The following EPAS1 variants were observed in gnomAD, a reference collection of about 807,000 sequenced individuals.
EPAS1 encodes the protein endothelial PAS domain protein 1.
In EPAS1, 23 loss-of-function variants were observed where a neutral mutation model predicts 87.9. The ratio of observed to expected loss-of-function variants is 0.26; its 90% CI spans 0.19 to 0.37. The LOEUF (loss-of-function observed/expected upper bound fraction) is 0.37, where lower values mean the gene tolerates loss of function less well. EPAS1 is among the 10% of genes least tolerant of loss of function. EPAS1 has a pLI of 1.00. For missense variants in EPAS1, 1,138 were observed against 1,120.7 expected (o/e 1.02, Z -0.22); for synonymous variants, 508 against 444.3 (o/e 1.14, Z -1.80).
Position 46,309,523 on chromosome 2 carries a change from A to T in EPAS1, c.26+11586A>T, listed in dbSNP as rs576228236. ...GGGTAAATAGATCTTGTGTGTTGGG[A>T]ATAGTTAGGGAAGTGATTAGTGGAG... On this transcript the variant is annotated intron_variant, in intron 1 of 15. Coordinates refer to ENST00000263734, the MANE Select transcript of EPAS1 (RefSeq NM_001430.5). 3.3e-5 allele frequency among the ~76,000 whole-genome samples: 5 copies of T among 152,280 alleles called. No individual in the cohort carries two copies. In the East Asian group the frequency reaches 9.6e-4, roughly 29 times the overall value.
intron 1 of EPAS1, among the ~76,000 whole-genome samples, chr2:46,317,769 A>G (rs1027704524): frequency 2.6e-5 from 4 of 152,224 alleles, no homozygotes; most frequent in Non-Finnish European, 5.9e-5. Flanking sequence ...ACCTTCATCA[A>G]TGATCTTAGC....
At chr2:46,307,214 G>A (rs192823187) in intron 1 of EPAS1, among the ~76,000 whole-genome samples, 1 of 152,310 alleles carries the variant, frequency 6.6e-6, no homozygotes, top group East Asian at 1.9e-4. Flanking sequence ...AGCTAATTTT[G>A]GTGCCTTGGT....
chr2:46,370,468 G>A (rs1684605966), intron 7 of EPAS1, among the ~76,000 whole-genome samples: 2 of 152,162 alleles, frequency 1.3e-5, no homozygotes, highest in South Asian at 2.1e-4. Flanking sequence ...CATATGTTGA[G>A]GTAGGCCACA....
intron 2 of EPAS1, among the ~76,000 whole-genome samples, chr2:46,353,049 C>T (rs1256650303): frequency 1.3e-5 from 2 of 151,942 alleles, no homozygotes; most frequent in African/African-American, 2.4e-5. Flanking sequence ...ATTTTGAAGT[C>T]AGCGTTACCA....
chr2:46,370,398 T>C (rs559960356), intron 7 of EPAS1, among the ~76,000 whole-genome samples: 1 of 152,204 alleles, frequency 6.6e-6, no homozygotes, highest in African/African-American at 2.4e-5. Context: ...AGTTGGACCT[T>C]GAAGGATCGG....
chr2:46,336,431 G>A (rs570348797), intron 1 of EPAS1, among the ~76,000 whole-genome samples: 2 of 152,254 alleles, frequency 1.3e-5, no homozygotes, highest in Admixed American at 1.3e-4. Context: ...AGGGGCCAGG[G>A]ACACTGCTGG....
chr2:46,313,539 C>T (rs901201045), intron 1 of EPAS1, among the ~76,000 whole-genome samples: 7 of 152,172 alleles, frequency 4.6e-5, no homozygotes, highest in Non-Finnish European at 4.4e-5. Flanking sequence ...GCAACCTCTA[C>T]CTCCCAGGTT....
Position 46,384,745 on chromosome 2 carries a change from TCTA to T in EPAS1, c.*86_*88del, listed in dbSNP as rs1274041687. On this transcript the variant is annotated 3_prime_UTR_variant, in exon 16 of 16. Coordinates refer to ENST00000263734, the MANE Select transcript of EPAS1 (RefSeq NM_001430.5). ...CCGTCTGTTTTTGCAACTAGGTATTTCTAACGCCAGCACACTATTTACAAGATG... is the reference window on the plus strand; with the variant it reads ...CCGTCTGTTTTTGCAACTAGGTATTTACGCCAGCACACTATTTACAAGATG... The T allele has an allele frequency of 1.3e-6, 2 of 1,530,958 alleles. No homozygotes were observed. Among genetic ancestry groups the T allele is most frequent in the Non-Finnish European group, 1.8e-6 (2 of 1,133,318 alleles). The allele number at this position is 1,530,958 out of a possible 1,614,324, so 94.8% of individuals were successfully genotyped here.
intron 1 of EPAS1, among the ~76,000 whole-genome samples, chr2:46,301,097 A>T (rs1682986839): frequency 6.6e-6 from 1 of 152,216 alleles, no homozygotes; most frequent in Non-Finnish European, 1.5e-5. Context: ...TAATTCATAC[A>T]GTTTTCATGA....
chr2:46,321,651 T>A (rs892292310), intron 1 of EPAS1, among the ~76,000 whole-genome samples: 1 of 152,150 alleles, frequency 6.6e-6, no homozygotes, highest in Non-Finnish European at 1.5e-5. Flanking sequence ...CAGTGATTTG[T>A]CTTTATAAAC....
rs1007726437 is a variant in EPAS1 at position 46,346,421 on chromosome 2, T to C, written c.27-452T>C. 6.6e-6 allele frequency among the ~76,000 whole-genome samples: 1 copy of C among 152,244 alleles called. No individual in the cohort carries two copies. Among genetic ancestry groups the C allele is most frequent in the African/African-American group, 2.4e-5 (1 of 41,466 alleles). Reference sequence around the variant, plus strand: ...CTTAATTTTTTCTGATTGTGTCTTATGCAGAAAAAGAACCTTAAAGCAGTT... The same window carrying C: ...CTTAATTTTTTCTGATTGTGTCTTACGCAGAAAAAGAACCTTAAAGCAGTT... On this transcript the variant is annotated intron_variant, in intron 1 of 15. Transcript: ENST00000263734. The surrounding 1 kb of genome is among the most constrained non-coding windows in gnomAD (Gnocchi z 4.0).
chr2:46,297,713 C>T lies in EPAS1; in HGVS notation c.-199C>T, dbSNP rs1572608108. On this transcript the variant is annotated 5_prime_UTR_variant, in exon 1 of 16. Transcript: ENST00000263734. ...TCCGCGCGCAGGTTCCTCCCAGTCACCTTTCTCCACCCCCGCCCCCGCACC... is the reference window on the plus strand; with the variant it reads ...TCCGCGCGCAGGTTCCTCCCAGTCATCTTTCTCCACCCCCGCCCCCGCACC... 4.8e-6 allele frequency: 3 copies of T among 620,560 alleles called. No individual in the cohort carries two copies. The Admixed American group carries it at 9.0e-5, about 19-fold the overall frequency. The allele number at this position is 620,560 out of a possible 1,614,324, so 38.4% of individuals were successfully genotyped here.
intron 1 of EPAS1, among the ~76,000 whole-genome samples, chr2:46,337,168 A>G (rs1295377050): frequency 6.6e-6 from 1 of 152,200 alleles, no homozygotes; most frequent in African/African-American, 2.4e-5. Flanking sequence ...GAGGACACCA[A>G]AAGAACAGGT....
intron 1 of EPAS1, among the ~76,000 whole-genome samples, chr2:46,322,141 C>T (rs1458095527): frequency 6.6e-6 from 1 of 152,186 alleles, no homozygotes; most frequent in African/African-American, 2.4e-5. Context: ...GGAAATCTCC[C>T]AGACATCTTG....
At chr2:46,381,534 G>A (rs1684890844) in intron 12 of EPAS1, 62 bp from the exon 13 acceptor site, 1 of 1,612,930 alleles carries the variant, frequency 6.2e-7, no homozygotes, top group South Asian at 1.1e-5. Context: ...CCTAAGATGA[G>A]AAGGCACTGA....
rs980002128 is a variant in EPAS1, at chr2:46,379,954, G to C, written c.1555-273G>C. Reference sequence around the variant, plus strand: ...GGCTTCAAGAGAGAAGGCGGGCTCCGGACAGGTGGGATGGGGAGAGGAGAA... The same window carrying C: ...GGCTTCAAGAGAGAAGGCGGGCTCCCGACAGGTGGGATGGGGAGAGGAGAA... On this transcript the variant is annotated intron_variant, in intron 11 of 15. Transcript: ENST00000263734. 6 of 544,708 alleles carry C rather than the reference G, an allele frequency of 1.1e-5. No individual in the cohort carries two copies. The Admixed American group carries it at 1.2e-4, about 11-fold the overall frequency. The allele number at this position is 544,708 out of a possible 1,614,324, so 33.7% of individuals were successfully genotyped here. A position where few individuals can be genotyped will look rare whatever the true frequency, so the allele number is the denominator to read the frequency against.
chr2:46,316,901 T>C (rs1683353370), intron 1 of EPAS1, among the ~76,000 whole-genome samples: 1 of 152,232 alleles, frequency 6.6e-6, no homozygotes, highest in Non-Finnish European at 1.5e-5. Flanking sequence ...TCAACTTAGT[T>C]GATGTAATAT....
chr2:46,317,677 C>T (rs953370793), intron 1 of EPAS1, among the ~76,000 whole-genome samples: 1 of 152,220 alleles, frequency 6.6e-6, no homozygotes, highest in Non-Finnish European at 1.5e-5. Flanking sequence ...GACTTCTCCC[C>T]TCTTGCAGTG....
intron 1 of EPAS1, among the ~76,000 whole-genome samples, chr2:46,332,348 T>TCTTTGG (rs1417300630): frequency 6.6e-6 from 1 of 150,928 alleles, no homozygotes; most frequent in East Asian, 2.0e-4. Context: ...ACTTGTTTTC[T>TCTTTGG]CTTTGGCTGC....
Sources: allele counts gnomAD v4.1 joint callset (sites outside exome capture counted in the v4.1 genomes callset), GRCh38; gene constraint gnomAD v4.1.1; non-coding constraint Gnocchi (gnomAD v3.1); transcripts MANE v1.5; gene names NCBI Gene and HGNC (gene_info 2026-07-23, HGNC 2026-07-21).